SAMMSON: variants seen among roughly 807,000 people sequenced by gnomAD.
The protein encoded by SAMMSON is long intergenic non-protein coding RNA 1212.
intron 3 of SAMMSON, among the ~76,000 whole-genome samples, chr3:70,071,119 A>T (rs1275474345): frequency 1.3e-5 from 2 of 152,036 alleles, no homozygotes; most frequent in African/African-American, 2.4e-5. Context: ...AGGGAAAAAA[A>T]AGGGATAGCT....
chr3:70,391,093 A>T (rs967428433), downstream of SAMMSON, among the ~76,000 whole-genome samples: 4 of 152,278 alleles, frequency 2.6e-5, no homozygotes, highest in Middle Eastern at 3.4e-3. Flanking sequence ...AAAGACAAAG[A>T]ACTGTGGCAT....
chr3:70,075,539 G>A (rs748264125), intron 4 of SAMMSON, among the ~76,000 whole-genome samples: 3 of 152,098 alleles, frequency 2.0e-5, no homozygotes, highest in Middle Eastern at 3.2e-3. Flanking sequence ...TATTTGTTGA[G>A]TTTTGCCACT....
chr3:70,233,892 A>G (rs1701585066), intron 4 of SAMMSON, among the ~76,000 whole-genome samples: 1 of 152,144 alleles, frequency 6.6e-6, no homozygotes, highest in Admixed American at 6.5e-5. Flanking sequence ...CACCCAATTG[A>G]AGGATATTTG....
At chr3:70,160,335 G>C (rs2067609810) in intron 4 of SAMMSON, among the ~76,000 whole-genome samples, 1 of 151,740 alleles carries the variant, frequency 6.6e-6, no homozygotes, top group Non-Finnish European at 1.5e-5. Context: ...TGTGAGGTAA[G>C]GATTTCCTTC....
intron 7 of SAMMSON, among the ~76,000 whole-genome samples, chr3:70,341,016 G>T (rs1232135575): frequency 1.3e-5 from 2 of 152,062 alleles, no homozygotes; most frequent in Non-Finnish European, 2.9e-5. Context: ...TGTCTCTCAG[G>T]GTGGCTGTGT....
chr3:70,248,471 G>A (rs1422367917), intron 4 of SAMMSON, among the ~76,000 whole-genome samples: 3 of 152,024 alleles, frequency 2.0e-5, no homozygotes, highest in Non-Finnish European at 4.4e-5. Flanking sequence ...AGAATGCCAG[G>A]AAATGGAACT....
chr3:70,316,884 G>A (rs1341903089), intron 7 of SAMMSON, among the ~76,000 whole-genome samples: 1 of 152,024 alleles, frequency 6.6e-6, no homozygotes, highest in Non-Finnish European at 1.5e-5. Flanking sequence ...TAAAAAGGGT[G>A]CTTATCTTGA....
intron 2 of SAMMSON, among the ~76,000 whole-genome samples, chr3:70,411,235 A>C (rs998454505): frequency 3.3e-5 from 5 of 152,158 alleles, no homozygotes; most frequent in Admixed American, 1.3e-4. Context: ...TTTTCAAATG[A>C]AGTTTTTATA....
chr3:70,232,023 A>G (rs1701564288), intron 4 of SAMMSON, among the ~76,000 whole-genome samples: 1 of 152,164 alleles, frequency 6.6e-6, no homozygotes, highest in Non-Finnish European at 1.5e-5. Context: ...CTTAGCCATT[A>G]ATAAGCATAT....
At chr3:70,255,682 C>A (rs1022390712) in intron 6 of SAMMSON, among the ~76,000 whole-genome samples, 2 of 152,040 alleles carry the variant, frequency 1.3e-5, no homozygotes, top group Non-Finnish European at 2.9e-5. Context: ...TGGTCTTGAA[C>A]TGCTGGGCTC....
chr3:70,190,534 C>T (rs1394500784), intron 4 of SAMMSON, among the ~76,000 whole-genome samples: 1 of 152,228 alleles, frequency 6.6e-6, no homozygotes, highest in Non-Finnish European at 1.5e-5. Flanking sequence ...CCTAATTGGT[C>T]TCACCATTGC....
At chr3:70,405,520 T>C (rs1701170983) in intron 2 of SAMMSON, among the ~76,000 whole-genome samples, 3 of 152,140 alleles carry the variant, frequency 2.0e-5, no homozygotes, top group African/African-American at 7.2e-5. Context: ...GACAACCAAA[T>C]GGAACTTCTA....
intron 6 of SAMMSON, among the ~76,000 whole-genome samples, chr3:70,250,409 T>TCACACACACACACACACA (rs1491108341): frequency 7.9e-6 from 1 of 126,222 alleles, no homozygotes; most frequent in Non-Finnish European, 1.7e-5. Flanking sequence ...TTTTAATGAA[T>TCACACACACACACACACA]CTCACACACA....
At chr3:70,382,496 G>T (rs1322522521) in intron 9 of SAMMSON, among the ~76,000 whole-genome samples, 1 of 152,094 alleles carries the variant, frequency 6.6e-6, no homozygotes, top group African/African-American at 2.4e-5. Flanking sequence ...TTTAGTAAAT[G>T]TTGAATTAAT....
At chr3:70,392,055 A>G (rs1405672346), downstream of SAMMSON, among the ~76,000 whole-genome samples, 1 of 152,104 alleles carries the variant, frequency 6.6e-6, no homozygotes, top group Non-Finnish European at 1.5e-5. Context: ...ATAGAAGGGG[A>G]TGGGTACCCC....
intron 7 of SAMMSON, among the ~76,000 whole-genome samples, chr3:70,309,119 G>A (rs1157390035): frequency 1.3e-5 from 2 of 152,104 alleles, no homozygotes; most frequent in African/African-American, 4.8e-5. Context: ...AATTCTGATT[G>A]ATAACTGTTG....
intron 4 of SAMMSON, among the ~76,000 whole-genome samples, chr3:70,214,845 G>T (rs1038100254): frequency 6.6e-6 from 1 of 151,930 alleles, no homozygotes; most frequent in African/African-American, 2.4e-5. Context: ...TTTAATGTTT[G>T]TAAAAAGTGT....
Position 70,301,185 on chromosome 3 carries a change from T to C in SAMMSON, n.739+9942T>C, listed in dbSNP as rs1029169392. Among the ~76,000 whole-genome samples the C allele has an allele frequency of 2.0e-5, 3 of 152,096 alleles. No individual in the cohort carries two copies. The South Asian group carries it at 6.2e-4, about 31-fold the overall frequency. On this transcript the variant is annotated intron_variant and non_coding_transcript_variant, in intron 7 of 9. Transcript: ENST00000642114. ...ATTTAAGTTAATATTTTAAAATTAA[T>C]TCTGTTGTTTCAAGTGACTCTTTAG...
intron 4 of SAMMSON, among the ~76,000 whole-genome samples, chr3:70,191,114 T>A (rs1701128680): frequency 6.6e-6 from 1 of 152,208 alleles, no homozygotes. Context: ...AACTTGATAT[T>A]AAATGAGGAA....
Sources: gnomAD v4.1 joint callset for allele counts (sites outside exome capture counted in the v4.1 genomes callset) on GRCh38, gnomAD v4.1.1 for gene constraint, MANE v1.5 for transcripts, NCBI Gene and HGNC (gene_info 2026-07-23, HGNC 2026-07-21) for gene names.